The following SLC8B1 variants were observed in gnomAD, a reference collection of about 807,000 sequenced individuals.
SLC8B1 encodes mitochondrial sodium/calcium exchanger protein.
SLC8B1 carries 52 observed loss-of-function variants against 63.4 expected under a neutral mutation model. The observed-to-expected ratio is 0.82, with a 90% CI of 0.66 to 1.03. The LOEUF is 1.03. SLC8B1 is among the 50% of genes least tolerant of loss of function. SLC8B1 has a pLI of 0.00. For synonymous variants in SLC8B1, 336 were observed against 323.9 expected, an observed-to-expected ratio of 1.04 and a Z score of -0.40; for missense variants, 657 against 741.7, an observed-to-expected ratio of 0.89 and a Z score of 1.33.
At chr12:113,302,408 G>C (rs955810655) in intron 15 of SLC8B1, 1 of 284,452 alleles carries the variant, frequency 3.5e-6, no homozygotes. Context: ...CAGGCTTTTG[G>C]CTTCCAGAAC....
intron 14 of SLC8B1, 137 bp from the exon 15 acceptor site, chr12:113,304,522 A>G: frequency 1.5e-6 from 1 of 670,472 alleles, no homozygotes; most frequent in Non-Finnish European, 2.6e-6. Context: ...GCAGTGGCTC[A>G]TGCCTGTAAT....
chr12:113,325,565 ATTT>A (rs57635916), intron 2 of SLC8B1, among the ~76,000 whole-genome samples: 1 of 140,122 alleles, frequency 7.1e-6, no homozygotes. Context: ...CCTGGCCTTA[ATTT>A]TTTTTTTTTT....
chr12:113,330,958 G>A (rs184374306), intron 2 of SLC8B1, among the ~76,000 whole-genome samples: 35 of 152,244 alleles, frequency 2.3e-4, no homozygotes, highest in Non-Finnish European at 3.7e-4. Flanking sequence ...ACATCAGAGC[G>A]GAAAGATGCA....
intron 15 of SLC8B1, among the ~76,000 whole-genome samples, chr12:113,300,724 C>G (rs1295120073): frequency 1.3e-5 from 2 of 152,186 alleles, no homozygotes; most frequent in Non-Finnish European, 2.9e-5. Context: ...CTGGGTGCCT[C>G]TCCCCTGCCT....
In SLC8B1 at chr12:113,320,209, G is replaced by A; in HGVS notation, c.694+122C>T. 8.1e-7 allele frequency: 1 copy of A among 1,240,210 alleles called. No individual in the cohort carries two copies. The highest frequency in any genetic ancestry group is 1.1e-6 in the Non-Finnish European group (1 of 894,134). 76.8% of individuals were successfully genotyped at this position (1,240,210 alleles called of 1,614,324 possible). A position where few individuals can be genotyped will look rare whatever the true frequency, so the allele number is the denominator to read the frequency against. On this transcript the variant is annotated intron_variant, in intron 7 of 15. Coordinates refer to ENST00000680972, the MANE Select transcript of SLC8B1 (RefSeq NM_001358345.2). This position sits in a 1 kb window ranked among gnomAD's most constrained non-coding sequence, Gnocchi z 5.3. ...TCAAGCCAGCTTGAGGAGGGTTTCT[G>A]TCACTTGTAATCAAATCAAAGCCCC...
At chr12:113,307,575 G>A in intron 13 of SLC8B1, 116 bp downstream of exon 13, 3 of 1,290,782 alleles carry the variant, frequency 2.3e-6, no homozygotes, top group East Asian at 2.5e-5. Flanking sequence ...CACTGCACAG[G>A]TGCAGAGGGC....
intron 14 of SLC8B1, among the ~76,000 whole-genome samples, chr12:113,304,676 C>T (rs903172822): frequency 6.6e-6 from 1 of 152,134 alleles, no homozygotes; most frequent in Admixed American, 6.6e-5. Flanking sequence ...GAACACGGCT[C>T]ACTGCAGCCT....
At chr12:113,317,913 G>A (rs1173402481) in intron 8 of SLC8B1, among the ~76,000 whole-genome samples, 2 of 152,154 alleles carry the variant, frequency 1.3e-5, no homozygotes, top group Non-Finnish European at 2.9e-5. Context: ...TGGCATGCAT[G>A]TATGTGTATG....
At chr12:113,331,018 G>GAAGGC (rs1183452072) in intron 2 of SLC8B1, among the ~76,000 whole-genome samples, 1 of 152,104 alleles carries the variant, frequency 6.6e-6, no homozygotes, top group Non-Finnish European at 1.5e-5. Flanking sequence ...GCCCTGGGAG[G>GAAGGC]AAGGCCTCTT....
intron 15 of SLC8B1, 93 bp from the exon 16 acceptor site, chr12:113,300,067 A>G: frequency 5.4e-6 from 6 of 1,115,372 alleles, no homozygotes; most frequent in Middle Eastern, 2.8e-4. Flanking sequence ...CTCAACAACA[A>G]TGCAGCCTCA....
chr12:113,321,299 C>G lies in SLC8B1; in HGVS notation c.206G>C (p.Arg69Pro). Residue 69 changes from arginine (R) to proline (P), a missense_variant, in exon 3 of 16, where the codon CGG becomes CCG. Transcript: ENST00000680972. ...LNVSDRCDFI[R>P]TNPDCHSDGG... ...ATCACTGTGGCAGTCAGGGTTGGTC[C>G]GGATGAAGTCACAGCGGTCAGAGAC... The G allele has an allele frequency of 6.2e-7, 1 of 1,614,062 alleles. No homozygotes were observed. The highest frequency in any genetic ancestry group is 1.1e-5 in the South Asian group (1 of 91,082).
chr12:113,332,691 A>G, intron 2 of SLC8B1, 32 bp downstream of exon 2: 1 of 1,601,016 alleles, frequency 6.2e-7, no homozygotes, highest in Non-Finnish European at 8.5e-7. Flanking sequence ...ACACAGCCCC[A>G]CTCAACCCCA....
intron 15 of SLC8B1, among the ~76,000 whole-genome samples, chr12:113,301,094 CCA>C (rs1012545675): frequency 6.6e-6 from 1 of 152,006 alleles, no homozygotes; most frequent in African/African-American, 2.4e-5. Flanking sequence ...CAAGATTGCA[CCA>C]CTGCACTCCA....
intron 2 of SLC8B1, 92 bp downstream of exon 2, chr12:113,332,631 C>A (rs980714461): frequency 2.1e-5 from 30 of 1,430,138 alleles, no homozygotes; most frequent in Middle Eastern, 1.8e-4. Flanking sequence ...AGGCTGCGGT[C>A]AGTGCCTGGC....
rs1956524744 is a variant in SLC8B1, at chr12:113,299,001, A to T, written c.*776T>A. 1 of 151,762 alleles carries T rather than the reference A, an allele frequency of 6.6e-6. No individual in the cohort carries two copies. The highest frequency in any genetic ancestry group is 2.4e-5 in the African/African-American group (1 of 41,242). 9.4% of individuals were successfully genotyped at this position (151,762 alleles called of 1,614,324 possible). A position where few individuals can be genotyped will look rare whatever the true frequency, so the allele number is the denominator to read the frequency against. On this transcript the variant is annotated 3_prime_UTR_variant, in exon 16 of 16. Transcript: ENST00000680972. Reference sequence around the variant, plus strand: ...GGGAGGCACAGGCACAGTCCTACCGACTCCTGCCTGGCAGCTGGAGGAGCC... The same window carrying T: ...GGGAGGCACAGGCACAGTCCTACCGTCTCCTGCCTGGCAGCTGGAGGAGCC...
chr12:113,330,376 G>A (rs1011307008), intron 2 of SLC8B1, among the ~76,000 whole-genome samples: 5 of 152,218 alleles, frequency 3.3e-5, no homozygotes, highest in Admixed American at 6.5e-5. Flanking sequence ...CCTGTGAGGC[G>A]GTGGACTAGA....
chr12:113,314,848 C>T (rs1472283331), intron 11 of SLC8B1, among the ~76,000 whole-genome samples: 1 of 152,202 alleles, frequency 6.6e-6, no homozygotes, highest in African/African-American at 2.4e-5. Context: ...CATCTGGGGC[C>T]AGCAAGATTG....
intron 11 of SLC8B1, 96 bp from the exon 12 acceptor site, chr12:113,310,451 C>G: frequency 6.7e-7 from 1 of 1,499,434 alleles, no homozygotes; most frequent in South Asian, 1.3e-5. Context: ...TTCCTATCTG[C>G]CCAGCCCTGT....
At position 113,315,402 on chromosome 12, in the gene SLC8B1, C is replaced by G. The variant is rs575013621; in HGVS notation, c.1068G>C (p.Arg356=). Reference sequence around the variant, plus strand: ...TAACCAGATGCAGACAGTTGAGGGGCCGTTTCCAGTTCTGGTCATCCTTGT... The same window carrying G: ...TAACCAGATGCAGACAGTTGAGGGGGCGTTTCCAGTTCTGGTCATCCTTGT... ...DPDKDDQNWK[R]PLNCLHLVIS... Residue 356 remains arginine (R), a synonymous_variant, in exon 11 of 16, where the codon CGG becomes CGC. Coordinates refer to ENST00000680972, the MANE Select transcript of SLC8B1 (RefSeq NM_001358345.2). 1 of 1,582,460 alleles carries G rather than the reference C, an allele frequency of 6.3e-7. No homozygotes were observed. Among genetic ancestry groups the G allele is most frequent in the African/African-American group, 1.3e-5 (1 of 74,562 alleles).
Sources: allele counts gnomAD v4.1 joint callset (sites outside exome capture counted in the v4.1 genomes callset), GRCh38; gene constraint gnomAD v4.1.1; non-coding constraint Gnocchi (gnomAD v3.1); transcripts MANE v1.5; gene names NCBI Gene and HGNC (gene_info 2026-07-23, HGNC 2026-07-21).